Variants in MROH1 observed in about 807,000 individuals in gnomAD.
MROH1 encodes the protein maestro heat-like repeat-containing protein family member 1.
Under a neutral mutation model 116.5 loss-of-function variants are expected in MROH1, and 117 were observed. The observed-to-expected ratio is 1.00, with a 90% CI of 0.86 to 1.17. The LOEUF is 1.17. Among genes scored for constraint, MROH1 ranks in the 50% most tolerant of loss-of-function variants. The pLI, the probability that MROH1 is intolerant of heterozygous loss-of-function variation, is 0.00. For synonymous variants in MROH1, 921 were observed against 583.9 expected (o/e 1.58, Z -8.32); for missense variants, 1,873 against 1,338.5 (o/e 1.40, Z -6.23).
rs1034906644 is a variant in MROH1, at chr8:144,260,760, C to T, written c.4464C>T (p.Phe1488=). 3.8e-3 allele frequency: 2,968 copies of T among 779,232 alleles called. 63 individuals are homozygous for T. The African/African-American group carries it at 0.043, about 11-fold the overall frequency. The allele number at this position is 779,232 out of a possible 1,614,324, so 48.3% of individuals were successfully genotyped here. The change falls in exon 40 of 44, where the codon TTC becomes TTT. Residue 1488 remains phenylalanine, a synonymous_variant. Transcript: ENST00000326134. ...GCCACGGAGACTGTGAGGACGTCTT[C>T]CTGGACCAGGTGGTGGGCGGGCTGG... The part of the protein sequence containing the change: ...KVCHGDCEDV[F]LDQVVGGLAP...
In MROH1 at chr8:144,239,853, C is replaced by T. The variant is rs973695557; in HGVS notation, c.1774+98C>T. ...CTGACCCCACCTTTGCCAAGTGGCACTAGGGTGGCCAATGGGGACTAGGGT... is the reference window on the plus strand; with the variant it reads ...CTGACCCCACCTTTGCCAAGTGGCATTAGGGTGGCCAATGGGGACTAGGGT... On this transcript the variant is annotated intron_variant, in intron 18 of 43. Transcript: ENST00000326134. 40 of 693,426 alleles carry T rather than the reference C, an allele frequency of 5.8e-5. No homozygotes were observed. The East Asian group carries it at 1.1e-3, about 19-fold the overall frequency. The allele number at this position is 693,426 out of a possible 1,614,324, so 43.0% of individuals were successfully genotyped here.
chr8:144,169,458 A>AC (rs1554783112), intron 4 of MROH1, among the ~76,000 whole-genome samples: 10 of 144,690 alleles, frequency 6.9e-5, no homozygotes, highest in Non-Finnish European at 4.5e-5. Flanking sequence ...CATTATTGTT[A>AC]TTTTTTTTTT....
chr8:144,175,248 G>A (rs190615168), intron 4 of MROH1: 20 of 775,166 alleles, frequency 2.6e-5, no homozygotes, highest in Admixed American at 1.9e-4. Context: ...CAGCGGGTCC[G>A]GTCGGATGGG....
chr8:144,237,978 G>A, intron 14 of MROH1, among the ~76,000 whole-genome samples: 1 of 152,108 alleles, frequency 6.6e-6, no homozygotes, highest in East Asian at 1.9e-4. Context: ...AGGTCGATAG[G>A]TTTTCATGGG....
chr8:144,215,347 G>A (rs552771651), intron 12 of MROH1, among the ~76,000 whole-genome samples: 3 of 152,316 alleles, frequency 2.0e-5, no homozygotes, highest in African/African-American at 4.8e-5. Flanking sequence ...CAGAAACACC[G>A]TGGTGAGTGT....
rs937808862 is a variant in MROH1 at position 144,238,811 on chromosome 8, T to G, written c.1394T>G (p.Ile465Ser). The change falls in exon 15 of 44, where the codon ATC (isoleucine) becomes AGC (serine). Residue 465 changes from isoleucine to serine, a missense_variant. Physicochemically the swap from Ile to Ser is moderately radical, Grantham distance 142. Transcript: ENST00000326134. The part of the protein sequence containing the change: ...KDPKADSVRA[I>S]SVRTLYLVST... ...CCCAAGGCCGACAGCGTGCGGGCCATCAGCGTGCGCACCCTCTACCTGGTC... is the reference window on the plus strand; with the variant it reads ...CCCAAGGCCGACAGCGTGCGGGCCAGCAGCGTGCGCACCCTCTACCTGGTC... 53 of 775,116 alleles carry G rather than the reference T, an allele frequency of 6.8e-5. No homozygotes were observed. The Middle Eastern group carries it at 1.6e-3, about 23-fold the overall frequency. The allele number at this position is 775,116 out of a possible 1,614,324, so 48.0% of individuals were successfully genotyped here. A position where few individuals can be genotyped will look rare whatever the true frequency, so the allele number is the denominator to read the frequency against.
chr8:144,156,925 G>A (rs1169396873), intron 1 of MROH1, among the ~76,000 whole-genome samples: 2 of 150,718 alleles, frequency 1.3e-5, no homozygotes, highest in Non-Finnish European at 3.0e-5. Flanking sequence ...TGGGATTACA[G>A]GCGCACACCA....
Position 144,190,948 on chromosome 8 carries a change from G to T in MROH1, c.714+13G>T. The T allele has an allele frequency of 6.2e-7, 1 of 1,611,504 alleles. No individual in the cohort carries two copies. The highest frequency in any genetic ancestry group is 8.5e-7 in the Non-Finnish European group (1 of 1,179,128). ...TCGAGAAGCCAAGGTATGCCCCGTG[G>T]CTGCATCAGTCCACGCCTGATGCCA... On this transcript the variant is annotated intron_variant, in intron 8 of 43. Coordinates refer to ENST00000326134, the MANE Select transcript of MROH1 (RefSeq NM_032450.3).
intron 21 of MROH1, 75 bp from the exon 22 acceptor site, chr8:144,241,320 C>A: frequency 1.4e-6 from 1 of 715,920 alleles, no homozygotes; most frequent in Non-Finnish European, 2.6e-6. Context: ...GTGCCCGTGT[C>A]CACACGTGAC....
At chr8:144,233,466 A>C (rs1200919513) in intron 14 of MROH1, among the ~76,000 whole-genome samples, 1 of 76,174 alleles carries the variant, frequency 1.3e-5, no homozygotes. Context: ...CCCACCATCC[A>C]CCTTCTCTCT....
At chr8:144,252,923 T>C (rs1843078360) in intron 33 of MROH1, among the ~76,000 whole-genome samples, 1 of 151,760 alleles carries the variant, frequency 6.6e-6, no homozygotes. Context: ...GCCATTGCAC[T>C]CCAGCCTGGG....
intron 1 of MROH1, among the ~76,000 whole-genome samples, chr8:144,152,192 C>T (rs888970089): frequency 5.3e-5 from 8 of 152,238 alleles, no homozygotes; most frequent in African/African-American, 1.7e-4. Flanking sequence ...ATACTCAAGA[C>T]AGCCTGCAAT....
At chr8:144,234,498 GTTTTTTTTTT>G (rs1165164431) in intron 14 of MROH1, among the ~76,000 whole-genome samples, 16 of 18,098 alleles carry the variant, frequency 8.8e-4, no homozygotes, top group South Asian at 2.2e-3. Flanking sequence ...TTTCTTTTTC[GTTTTTTTTTT>G]TTTTTTTTTT....
chr8:144,245,276 C>T lies in MROH1; in HGVS notation c.2871+16C>T. On this transcript the variant is annotated intron_variant, in intron 29 of 43. Transcript: ENST00000326134. Reference sequence around the variant, plus strand: ...GCGTGTCAGCGTGAGTACCTGGGTCCCTGGCCCGGGTGCTGCTGCCTGTGT... The same window carrying T: ...GCGTGTCAGCGTGAGTACCTGGGTCTCTGGCCCGGGTGCTGCTGCCTGTGT... 1.3e-6 allele frequency: 1 copy of T among 774,950 alleles called. No individual in the cohort carries two copies. Among genetic ancestry groups the T allele is most frequent in the South Asian group, 1.3e-5 (1 of 74,542 alleles). The allele number at this position is 774,950 out of a possible 1,614,324, so 48.0% of individuals were successfully genotyped here. A position where few individuals can be genotyped will look rare whatever the true frequency, so the allele number is the denominator to read the frequency against.
intron 1 of MROH1, among the ~76,000 whole-genome samples, chr8:144,153,060 C>G (rs1312724728): frequency 6.6e-6 from 1 of 152,224 alleles, no homozygotes; most frequent in Admixed American, 6.5e-5. Flanking sequence ...CCGTTCTACT[C>G]TGCTTCTAGG....
chr8:144,179,075 C>T (rs532424121), intron 4 of MROH1, among the ~76,000 whole-genome samples: 70 of 152,140 alleles, frequency 4.6e-4, no homozygotes, highest in African/African-American at 1.4e-3. Flanking sequence ...AGACTGAGGC[C>T]ATGACCACTG....
intron 35 of MROH1, among the ~76,000 whole-genome samples, chr8:144,256,434 G>C (rs1215147618): frequency 3.5e-5 from 5 of 143,962 alleles, no homozygotes; most frequent in Non-Finnish European, 6.2e-5. Flanking sequence ...ACACCAGGGG[G>C]ACAGCCGCAC....
chr8:144,223,306 C>T, intron 14 of MROH1, 76 bp downstream of exon 14: 4 of 1,518,036 alleles, frequency 2.6e-6, no homozygotes, highest in South Asian at 2.5e-5. Context: ...CATCAGGAGC[C>T]ACTGGCCCAG....
At chr8:144,257,304 C>G (rs1323927956) in intron 35 of MROH1, among the ~76,000 whole-genome samples, 1 of 152,200 alleles carries the variant, frequency 6.6e-6, no homozygotes, top group Non-Finnish European at 1.5e-5. Context: ...AGCCTGGGGA[C>G]ACTCATCAAG....
Sources: allele counts gnomAD v4.1 joint callset (sites outside exome capture counted in the v4.1 genomes callset), GRCh38; gene constraint gnomAD v4.1.1; transcripts MANE v1.5; gene names NCBI Gene and HGNC (gene_info 2026-07-23, HGNC 2026-07-21).